COL23A1: variants seen among roughly 807,000 people sequenced by gnomAD.
COL23A1 encodes collagen alpha-1(XXIII) chain.
COL23A1 carries 97 observed loss-of-function variants against 99.3 expected under a neutral mutation model. The ratio of observed to expected loss-of-function variants is 0.98; its 90% CI spans 0.83 to 1.16. The LOEUF (loss-of-function observed/expected upper bound fraction) is 1.16. Among genes scored for constraint, COL23A1 ranks in the 50% most tolerant of loss-of-function variants. The pLI, the probability that COL23A1 is intolerant of heterozygous loss-of-function variation, is 0.00. For synonymous variants in COL23A1, 320 were observed against 308.2 expected (o/e 1.04, Z -0.40); for missense variants, 762 against 757.4 (o/e 1.01, Z -0.07).
At chr5:178,347,890 AAAAAAAAC>A (rs374941917) in intron 2 of COL23A1, among the ~76,000 whole-genome samples, 67,871 of 146,430 alleles carry the variant, frequency 0.46, 16,679 homozygotes, top group East Asian at 0.79. Flanking sequence ...AAAAAAAAAA[AAAAAAAAC>A]CCAAAAAAAC....
chr5:178,454,933 C>T (rs1047887007), intron 2 of COL23A1, among the ~76,000 whole-genome samples: 2 of 152,218 alleles, frequency 1.3e-5, no homozygotes, highest in Non-Finnish European at 2.9e-5. Flanking sequence ...GAGCCCCTGG[C>T]TAGGACTGCT....
rs574392838 is a variant in COL23A1, at chr5:178,281,431, C to T, written c.441+6893G>A. ...AGACCACATTTCAGCCCAGAGCTCT[C>T]GCAGTCCCCTGGGGCCCCGGCTGTC... On this transcript the variant is annotated intron_variant, in intron 5 of 28. Coordinates refer to ENST00000390654, the MANE Select transcript of COL23A1 (RefSeq NM_173465.4). The surrounding 1 kb of genome is among the most constrained non-coding windows in gnomAD (Gnocchi z 4.0). Among the ~76,000 whole-genome samples, 3 of 152,150 alleles carry T rather than the reference C, an allele frequency of 2.0e-5. No homozygotes were observed. Among genetic ancestry groups the T allele is most frequent in the Non-Finnish European group, 4.4e-5 (3 of 68,028 alleles).
chr5:178,380,073 T>G (rs1763297239), intron 2 of COL23A1, among the ~76,000 whole-genome samples: 1 of 152,174 alleles, frequency 6.6e-6, no homozygotes, highest in East Asian at 1.9e-4. Context: ...ACATGACCTG[T>G]GTTTTGTGAA....
chr5:178,545,457 A>G (rs1220358066), intron 2 of COL23A1, among the ~76,000 whole-genome samples: 1 of 152,234 alleles, frequency 6.6e-6, no homozygotes, highest in African/African-American at 2.4e-5. Context: ...GGCAGAACTG[A>G]AAAGAATGAA....
chr5:178,361,326 G>C (rs974856201), intron 2 of COL23A1, among the ~76,000 whole-genome samples: 1 of 152,154 alleles, frequency 6.6e-6, no homozygotes, highest in African/African-American at 2.4e-5. Context: ...GGAAGGATTG[G>C]GAGAGATCTG....
chr5:178,446,722 A>C (rs186052259), intron 2 of COL23A1, among the ~76,000 whole-genome samples: 1 of 152,328 alleles, frequency 6.6e-6, no homozygotes, highest in East Asian at 1.9e-4. Flanking sequence ...GACCTTGTGA[A>C]TCTATCCCAA....
intron 3 of COL23A1, among the ~76,000 whole-genome samples, chr5:178,301,304 T>C (rs575659159): frequency 6.6e-6 from 1 of 152,358 alleles, no homozygotes; most frequent in South Asian, 2.1e-4. Flanking sequence ...ATCTGTTTAT[T>C]GATATTCTCC....
chr5:178,515,196 T>C (rs1644120760), intron 2 of COL23A1, among the ~76,000 whole-genome samples: 2 of 152,222 alleles, frequency 1.3e-5, no homozygotes, highest in African/African-American at 4.8e-5. Flanking sequence ...CAGAGGACTT[T>C]CCCTCTGGAA....
At chr5:178,257,616 G>A (rs1361109229) in intron 12 of COL23A1, 49 bp from the exon 13 acceptor site, 3 of 1,539,044 alleles carry the variant, frequency 1.9e-6, no homozygotes, top group Non-Finnish European at 2.6e-6. Context: ...CGGGTGGCCA[G>A]TGGGCCCCTC....
At chr5:178,478,462 A>T (rs755889441) in intron 2 of COL23A1, among the ~76,000 whole-genome samples, 1 of 152,148 alleles carries the variant, frequency 6.6e-6, no homozygotes, top group Non-Finnish European at 1.5e-5. Flanking sequence ...CATTGCCCAG[A>T]TTCTGCATAT....
Position 178,254,936 on chromosome 5 carries a change from C to T in COL23A1, c.960+13G>A, listed in dbSNP as rs1471376591. ...GTATCTAAGGCACATCCTGGTCCCA[C>T]CAGGAACACTACCTTGAGGGCATCC... On this transcript the variant is annotated intron_variant, in intron 16 of 28. Transcript: ENST00000390654. 6.2e-7 allele frequency: 1 copy of T among 1,606,684 alleles called. No homozygotes were observed. Among genetic ancestry groups the T allele is most frequent in the Non-Finnish European group, 8.5e-7 (1 of 1,175,956 alleles).
intron 2 of COL23A1, among the ~76,000 whole-genome samples, chr5:178,526,830 G>A (rs1760337953): frequency 6.6e-6 from 1 of 152,202 alleles, no homozygotes; most frequent in Admixed American, 6.5e-5. Context: ...ATAAATGGCA[G>A]CTGTAAGGGT....
At chr5:178,499,271 T>C (rs1368000784) in intron 2 of COL23A1, among the ~76,000 whole-genome samples, 1 of 152,102 alleles carries the variant, frequency 6.6e-6, no homozygotes, top group African/African-American at 2.4e-5. Flanking sequence ...TTTTAAAAAT[T>C]AGAGGATGAA....
At chr5:178,558,878 T>G (rs1414962696) in intron 2 of COL23A1, among the ~76,000 whole-genome samples, 1 of 151,550 alleles carries the variant, frequency 6.6e-6, no homozygotes, top group Non-Finnish European at 1.5e-5. Flanking sequence ...AACCTCCACC[T>G]CCCAGGATGA....
chr5:178,258,394 GTTTT>G (rs59750946), intron 12 of COL23A1, among the ~76,000 whole-genome samples: 3 of 109,084 alleles, frequency 2.8e-5, no homozygotes, highest in Middle Eastern at 5.2e-3. Context: ...GATGGGAGAG[GTTTT>G]TTTTTTTTTT....
chr5:178,373,987 C>T (rs557155040), intron 2 of COL23A1, among the ~76,000 whole-genome samples: 1 of 152,240 alleles, frequency 6.6e-6, no homozygotes, highest in South Asian at 2.1e-4. Flanking sequence ...GCGCCCGCAC[C>T]CTTCAACTTC....
intron 2 of COL23A1, among the ~76,000 whole-genome samples, chr5:178,525,716 A>G (rs1194421742): frequency 4.2e-5 from 6 of 142,564 alleles, no homozygotes; most frequent in Non-Finnish European, 9.4e-5. Context: ...ATGGCGACAC[A>G]GCGCGCAGAC....
rs184398273 is a variant in COL23A1, at chr5:178,486,201, T to C, written c.361+74481A>G. 1.1e-3 allele frequency among the ~76,000 whole-genome samples: 160 copies of C among 152,340 alleles called. 1 individual carries two copies. The highest frequency in any genetic ancestry group is 3.7e-3 in the African/African-American group (152 of 41,576). ...CACCCTAGAAGTGAACAACCTTGAA[T>C]GTCCTGAAGATGTGGGAGTGTTCGA... is the stretch of plus-strand genomic sequence containing the variant. On this transcript the variant is annotated intron_variant, in intron 2 of 28. Coordinates refer to ENST00000390654, the MANE Select transcript of COL23A1 (RefSeq NM_173465.4).
At chr5:178,489,701 C>T (rs1399610422) in intron 2 of COL23A1, among the ~76,000 whole-genome samples, 2 of 152,186 alleles carry the variant, frequency 1.3e-5, no homozygotes, top group African/African-American at 4.8e-5. Context: ...GGGCACCAAA[C>T]TGCAGCAAGG....
Sources: allele counts gnomAD v4.1 joint callset (sites outside exome capture counted in the v4.1 genomes callset), GRCh38; gene constraint gnomAD v4.1.1; non-coding constraint Gnocchi (gnomAD v3.1); transcripts MANE v1.5; gene names NCBI Gene and HGNC (gene_info 2026-07-23, HGNC 2026-07-21).